Variants in PCNT observed in about 807,000 individuals in gnomAD.
PCNT encodes kendrin.
A neutral mutation model predicts 380.4 loss-of-function variants in PCNT; 319 were observed. The observed-to-expected ratio is 0.84, with a 90% confidence interval of 0.77 to 0.92. The LOEUF (loss-of-function observed/expected upper bound fraction) is 0.92, where lower values mean the gene tolerates loss of function less well. Ranked by LOEUF, PCNT falls within the 40% of genes least tolerant of loss-of-function variation. The pLI is 0.00. For missense variants in PCNT, 4,400 were observed against 4,255.3 expected, an observed-to-expected ratio of 1.03 and a Z score of -0.95; for synonymous variants, 1,845 against 1,735.2, an observed-to-expected ratio of 1.06 and a Z score of -1.57.
At chr21:46,339,750 C>A (rs916199533) in intron 3 of PCNT, among the ~76,000 whole-genome samples, 3 of 152,204 alleles carry the variant, frequency 2.0e-5, no homozygotes, top group African/African-American at 7.2e-5. Context: ...GCAACACCCT[C>A]ACAGACACAT....
intron 29 of PCNT, among the ~76,000 whole-genome samples, chr21:46,413,739 T>C (rs1003012730): frequency 6.6e-6 from 1 of 152,248 alleles, no homozygotes; most frequent in Non-Finnish European, 1.5e-5. Context: ...AGATTTATTC[T>C]TGTAATCTGT....
At position 46,366,724 on chromosome 21, in the gene PCNT, C is replaced by T. The variant is rs763541418; in HGVS notation, c.2750C>T (p.Ala917Val). Residue 917 changes from alanine to valine, a missense_variant, in exon 15 of 47, where the codon GCG becomes GTG. Coordinates refer to ENST00000359568, the MANE Select transcript of PCNT (RefSeq NM_006031.6). ...RHQQQLLSVT[A>V]ELEARHQAAL... ...CAGCAGCAGCTCCTGTCAGTGACGG[C>T]GGAGCTCGAGGCCAGACACCAGGCC... 202 of 1,613,478 alleles carry T rather than the reference C, an allele frequency of 1.3e-4. No individual in the cohort carries two copies. Among genetic ancestry groups the T allele is most frequent in the Admixed American group, 3.3e-4 (20 of 60,002 alleles).
At chr21:46,400,449 A>C (rs1273623716) in intron 25 of PCNT, among the ~76,000 whole-genome samples, 1 of 150,546 alleles carries the variant, frequency 6.6e-6, no homozygotes, top group Non-Finnish European at 1.5e-5. Context: ...ATTTGATTTT[A>C]GAATTAGTAG....
In PCNT at chr21:46,377,836, C is replaced by T. The variant is rs192548172; in HGVS notation, c.3166-3858C>T. 1.1e-4 allele frequency among the ~76,000 whole-genome samples: 16 copies of T among 151,844 alleles called. 2 individuals carry two copies. The highest frequency in any genetic ancestry group is 3.9e-4 in the African/African-American group (16 of 41,268). ...CACTCCAGGCTGCATGACAGCAAAA[C>T]GTTGTCTCAAAAGATAATCAATGAA... On this transcript the variant is annotated intron_variant, in intron 15 of 46. Transcript: ENST00000359568.
intron 35 of PCNT, among the ~76,000 whole-genome samples, chr21:46,429,654 C>T (rs1421400500): frequency 1.3e-5 from 2 of 152,292 alleles, no homozygotes; most frequent in Non-Finnish European, 2.9e-5. Flanking sequence ...TTATTTCTTC[C>T]TTAAGTTTTG....
chr21:46,326,353 C>T (rs753504732), intron 1 of PCNT, 24 bp from the exon 2 acceptor site: 1 of 1,610,924 alleles, frequency 6.2e-7, no homozygotes, highest in Non-Finnish European at 8.5e-7. Flanking sequence ...TTTGCCTTTA[C>T]TACTTATCTA....
rs544829166 is a variant in PCNT at position 46,382,017 on chromosome 21, G to A, written c.3312+177G>A. Among the ~76,000 whole-genome samples, 105 of 150,932 alleles carry A rather than the reference G, an allele frequency of 7.0e-4. 1 individual carries two copies. The highest frequency in any genetic ancestry group is 1.3e-3 in the Non-Finnish European group (91 of 67,692). On this transcript the variant is annotated intron_variant, in intron 16 of 46. Transcript: ENST00000359568. ...GTGTTGTAGATTCAGTGGCGGAAGC[G>A]CATTCACGGTGTTGTGCATTCAATG...
intron 16 of PCNT, among the ~76,000 whole-genome samples, chr21:46,385,226 C>T (rs570894380): frequency 1.3e-5 from 2 of 152,226 alleles, no homozygotes; most frequent in South Asian, 2.1e-4. Flanking sequence ...TGTGGTGGCA[C>T]GCACCTGTAG....
intron 37 of PCNT, 55 bp from the exon 38 acceptor site, chr21:46,431,474 G>A (rs1310562389): frequency 6.8e-6 from 11 of 1,613,366 alleles, no homozygotes; most frequent in South Asian, 5.5e-5. Flanking sequence ...GGAAAACCAT[G>A]TAGACACTTT....
chr21:46,444,183 G>A (rs2053688507), intron 45 of PCNT, among the ~76,000 whole-genome samples: 1 of 152,224 alleles, frequency 6.6e-6, no homozygotes, highest in Non-Finnish European at 1.5e-5. Flanking sequence ...TAGTGAAAGA[G>A]TAAATGGTGG....
At chr21:46,430,752 A>G (rs1214699406) in intron 37 of PCNT, 95 bp downstream of exon 37, 3 of 1,542,534 alleles carry the variant, frequency 1.9e-6, no homozygotes, top group East Asian at 2.4e-5. Flanking sequence ...CCTGTTCTTC[A>G]TGGCAGTGCA....
At chr21:46,365,447 G>A (rs34527723) in intron 14 of PCNT, among the ~76,000 whole-genome samples, 51,318 of 65,924 alleles carry the variant, frequency 0.78, 19,825 homozygotes, top group African/African-American at 0.82. Flanking sequence ...GTGGGGTTCT[G>A]TTCACTGCCG....
chr21:46,375,850 G>A (rs1364294659), intron 15 of PCNT, among the ~76,000 whole-genome samples: 1 of 152,250 alleles, frequency 6.6e-6, no homozygotes, highest in African/African-American at 2.4e-5. Flanking sequence ...GCCTGAGAGT[G>A]TGCAGGCAGG....
chr21:46,352,039 C>G lies in PCNT; in HGVS notation c.1456+499C>G, dbSNP rs188538484. Among the ~76,000 whole-genome samples the G allele has an allele frequency of 2.9e-4, 44 of 152,364 alleles. 2 individuals carry two copies. The highest frequency in any genetic ancestry group is 9.6e-4 in the African/African-American group (40 of 41,586). On this transcript the variant is annotated intron_variant, in intron 9 of 46. Coordinates refer to ENST00000359568, the MANE Select transcript of PCNT (RefSeq NM_006031.6). The stretch of plus-strand genomic sequence containing the variant: ...CTGGAGACCCCGACCCCAGGCCCCC[C>G]ATTCCGTGTCAGAGAGGTCTTTGTG...
intron 41 of PCNT, 40 bp from the exon 42 acceptor site, chr21:46,440,043 G>A (rs759550718): frequency 1.7e-5 from 28 of 1,613,114 alleles, no homozygotes; most frequent in African/African-American, 5.3e-5. Context: ...TCTTGTTGAC[G>A]AGCAGCTCTG....
intron 44 of PCNT, 181 bp downstream of exon 44, chr21:46,442,754 G>C (rs1448603407): frequency 1.5e-6 from 1 of 650,652 alleles, no homozygotes; most frequent in Non-Finnish European, 2.8e-6. Context: ...AGGGAGGTCA[G>C]AGCTCATGTT....
At chr21:46,444,511 C>G (rs2053698357) in intron 45 of PCNT, among the ~76,000 whole-genome samples, 183 bp from the exon 46 acceptor site, 1 of 152,176 alleles carries the variant, frequency 6.6e-6, no homozygotes, top group Admixed American at 6.5e-5. Flanking sequence ...GCTTTTAAAG[C>G]ACTCTGTGAC....
Position 46,428,217 on chromosome 21 carries a change from T to C in PCNT, c.7495-178T>C, listed in dbSNP as rs541152027. ...GGCTTGCAGGCCTCACGCAGGGTAGTGCAGCCCAGCCCTGACGCCTGCAGG... is the reference window on the plus strand; with the variant it reads ...GGCTTGCAGGCCTCACGCAGGGTAGCGCAGCCCAGCCCTGACGCCTGCAGG... On this transcript the variant is annotated intron_variant, in intron 34 of 46. Coordinates refer to ENST00000359568, the MANE Select transcript of PCNT (RefSeq NM_006031.6). Among the ~76,000 whole-genome samples, 3 of 152,334 alleles carry C rather than the reference T, an allele frequency of 2.0e-5. No individual in the cohort carries two copies. In the South Asian group the frequency reaches 6.2e-4, roughly 32 times the overall value.
At position 46,338,903 on chromosome 21, in the gene PCNT, C is replaced by T. The variant is rs140377006; in HGVS notation, c.639+4135C>T. Among the ~76,000 whole-genome samples, 16 of 152,330 alleles carry T rather than the reference C, an allele frequency of 1.1e-4. 1 individual carries two copies. Among genetic ancestry groups the T allele is most frequent in the African/African-American group, 3.6e-4 (15 of 41,572 alleles). On this transcript the variant is annotated intron_variant, in intron 3 of 46. Transcript: ENST00000359568. ...TCAAGGGGTTCTCCCGCCTCAGCCTCCCGAGTACCTGGGATTACAGGTGCA... is the reference window on the plus strand; with the variant it reads ...TCAAGGGGTTCTCCCGCCTCAGCCTTCCGAGTACCTGGGATTACAGGTGCA...
Sources: allele counts gnomAD v4.1 joint callset (sites outside exome capture counted in the v4.1 genomes callset), GRCh38; gene constraint gnomAD v4.1.1; transcripts MANE v1.5; gene names NCBI Gene and HGNC (gene_info 2026-07-23, HGNC 2026-07-21).